The following CNTNAP5 variants were observed in gnomAD, a reference collection of about 807,000 sequenced individuals.
CNTNAP5 encodes contactin-associated protein-like 5.
In CNTNAP5, 72 loss-of-function variants were observed where a neutral mutation model predicts 150.2. That is an observed-to-expected ratio of 0.48 (90% CI 0.40 to 0.58). CNTNAP5 has a LOEUF of 0.58. Ranked by LOEUF, CNTNAP5 falls within the 20% of genes least tolerant of loss-of-function variation. The pLI is 0.00. For synonymous variants in CNTNAP5, 672 were observed against 619.8 expected (o/e 1.08, Z -1.25); for missense variants, 1,636 against 1,626.2 (o/e 1.01, Z -0.10).
At chr2:124,448,435 G>A (rs1437515711) in intron 6 of CNTNAP5, among the ~76,000 whole-genome samples, 1 of 152,084 alleles carries the variant, frequency 6.6e-6, no homozygotes, top group Non-Finnish European at 1.5e-5. Flanking sequence ...TATTCTATCT[G>A]TGTTGTGGGG....
In CNTNAP5 at chr2:124,786,535, A is replaced by G. The variant is rs192741058; in HGVS notation, c.2753-3367A>G. Among the ~76,000 whole-genome samples the G allele has an allele frequency of 4.5e-4, 68 of 151,600 alleles. 1 individual carries two copies. In the East Asian group the frequency reaches 0.013, roughly 30 times the overall value. On this transcript the variant is annotated intron_variant, in intron 17 of 23. Coordinates refer to ENST00000682447, the MANE Select transcript of CNTNAP5 (RefSeq NM_001367498.1). ...AGAAAGAAAGAAAGAGAAAGAAAGG[A>G]AAGAAAGAGAAAGGAAAGAAAGAAA...
chr2:124,475,729 T>TTGTCATGTAACTTTTCCCATCCTTTTGC (rs1693623881), intron 7 of CNTNAP5, among the ~76,000 whole-genome samples: 1 of 152,132 alleles, frequency 6.6e-6, no homozygotes, highest in Non-Finnish European at 1.5e-5. Flanking sequence ...ATAAAGGTCT[T>TTGTCATGTAACTTTTCCCATCCTTTTGC]TGTCATGTAA....
intron 1 of CNTNAP5, among the ~76,000 whole-genome samples, chr2:124,056,872 C>T (rs1206304321): frequency 3.3e-5 from 5 of 152,160 alleles, no homozygotes; most frequent in African/African-American, 4.8e-5. Flanking sequence ...TCATCTCTAT[C>T]GTAGTTTTCT....
At chr2:124,273,847 T>A (rs1374880591) in intron 3 of CNTNAP5, among the ~76,000 whole-genome samples, 1 of 152,218 alleles carries the variant, frequency 6.6e-6, no homozygotes, top group Non-Finnish European at 1.5e-5. Context: ...ATATTTTTAA[T>A]GTTGACCTTG....
chr2:124,560,811 G>C (rs1695874570), intron 10 of CNTNAP5, among the ~76,000 whole-genome samples: 1 of 152,074 alleles, frequency 6.6e-6, no homozygotes, highest in Non-Finnish European at 1.5e-5. Flanking sequence ...GCTGCTTGCT[G>C]CATGTCAGCA....
intron 17 of CNTNAP5, among the ~76,000 whole-genome samples, chr2:124,780,446 G>C (rs1681427052): frequency 6.6e-6 from 1 of 152,192 alleles, no homozygotes; most frequent in Non-Finnish European, 1.5e-5. Context: ...ACACACTAGT[G>C]TACTTGGAGT....
At chr2:124,669,833 C>T (rs1169839482) in intron 13 of CNTNAP5, among the ~76,000 whole-genome samples, 1 of 152,202 alleles carries the variant, frequency 6.6e-6, no homozygotes, top group Non-Finnish European at 1.5e-5. Context: ...GAAACAGATG[C>T]AAAACTTAAG....
At chr2:124,631,110 G>T (rs999731248) in intron 12 of CNTNAP5, among the ~76,000 whole-genome samples, 1 of 152,032 alleles carries the variant, frequency 6.6e-6, no homozygotes, top group Non-Finnish European at 1.5e-5. Context: ...ACATGCTCAT[G>T]GATAACAAGA....
At chr2:124,660,035 GAAGGAAGA>G (rs1458037462) in intron 13 of CNTNAP5, among the ~76,000 whole-genome samples, 941 of 91,678 alleles carry the variant, frequency 0.01, 8 homozygotes, top group Middle Eastern at 0.016. Context: ...AGGAAGGAAG[GAAGGAAGA>G]AAGGAAGGAA....
At chr2:124,468,283 C>T (rs1397141177) in intron 6 of CNTNAP5, among the ~76,000 whole-genome samples, 1 of 152,064 alleles carries the variant, frequency 6.6e-6, no homozygotes, top group East Asian at 1.9e-4. Context: ...GTGGCTCAGT[C>T]CAAGTCTCAA....
intron 10 of CNTNAP5, among the ~76,000 whole-genome samples, chr2:124,530,842 A>G (rs1573439928): frequency 6.6e-6 from 1 of 151,792 alleles, no homozygotes; most frequent in Middle Eastern, 3.4e-3. Flanking sequence ...TAATCTCTAC[A>G]CCCTAAGCCC....
intron 1 of CNTNAP5, among the ~76,000 whole-genome samples, chr2:124,170,488 T>A (rs1684904846): frequency 6.6e-6 from 1 of 152,180 alleles, no homozygotes; most frequent in Non-Finnish European, 1.5e-5. Flanking sequence ...GAGATGGTGC[T>A]ATTAAATCAC....
intron 21 of CNTNAP5, among the ~76,000 whole-genome samples, chr2:124,882,290 A>C (rs1677979414): frequency 6.6e-6 from 1 of 152,084 alleles, no homozygotes; most frequent in Admixed American, 6.6e-5. Flanking sequence ...ACCAGCACTC[A>C]CTGAGTCTCT....
intron 3 of CNTNAP5, among the ~76,000 whole-genome samples, chr2:124,282,626 T>C (rs1303446467): frequency 6.6e-6 from 1 of 152,098 alleles, no homozygotes; most frequent in Non-Finnish European, 1.5e-5. Context: ...AGGACTTTTT[T>C]TTTTTTTGCA....
In CNTNAP5 at chr2:124,757,302, T is replaced by G. The variant is rs185054250; in HGVS notation, c.2235-6370T>G. ...TGCAAATTAGTAAACTAAAACCTAG[T>G]CAATTGAGCTGTGTCTTATGTGGAG... On this transcript the variant is annotated intron_variant, in intron 14 of 23. Transcript: ENST00000682447. Among the ~76,000 whole-genome samples, 20 of 152,250 alleles carry G rather than the reference T, an allele frequency of 1.3e-4. 1 individual carries two copies. Among genetic ancestry groups the G allele is most frequent in the Admixed American group, 1.3e-3 (20 of 15,294 alleles).
intron 6 of CNTNAP5, among the ~76,000 whole-genome samples, chr2:124,465,705 G>C (rs141039067): frequency 1.9e-4 from 29 of 152,042 alleles, no homozygotes; most frequent in South Asian, 1.2e-3. Flanking sequence ...TGTGTTTCAC[G>C]TACCCCTTTA....
At chr2:124,483,004 C>T (rs567436266) in intron 7 of CNTNAP5, among the ~76,000 whole-genome samples, 2 of 152,312 alleles carry the variant, frequency 1.3e-5, no homozygotes, top group Non-Finnish European at 2.9e-5. Flanking sequence ...CCGGATTACT[C>T]GCTGTTTCTG....
intron 13 of CNTNAP5, among the ~76,000 whole-genome samples, chr2:124,698,382 A>ACACACACACACACG (rs1679450318): frequency 7.1e-6 from 1 of 140,388 alleles, no homozygotes; most frequent in South Asian, 2.2e-4. Flanking sequence ...GGATACACAC[A>ACACACACACACACG]CACACACACA....
chr2:124,406,467 G>T (rs978995628), intron 3 of CNTNAP5, among the ~76,000 whole-genome samples: 2 of 152,054 alleles, frequency 1.3e-5, no homozygotes, highest in Non-Finnish European at 2.9e-5. Flanking sequence ...AACATTACAA[G>T]ATATTATTTT....
Sources: gnomAD v4.1 joint callset for allele counts (sites outside exome capture counted in the v4.1 genomes callset) on GRCh38, gnomAD v4.1.1 for gene constraint, MANE v1.5 for transcripts, NCBI Gene and HGNC (gene_info 2026-07-23, HGNC 2026-07-21) for gene names.